The following SMYD3 variants were observed in gnomAD, a reference collection of about 807,000 sequenced individuals.
SMYD3 encodes the protein SET and MYND domain containing 3, also known as histone-lysine N-methyltransferase SMYD3.
SMYD3 carries 36 observed loss-of-function variants against 57.7 expected under a neutral mutation model. The observed-to-expected ratio is 0.62, with a 90% confidence interval of 0.48 to 0.82. The LOEUF (loss-of-function observed/expected upper bound fraction) is 0.82, where lower values mean the gene tolerates loss of function less well. SMYD3 is among the 40% of genes least tolerant of loss of function. SMYD3 has a pLI of 0.00. For missense variants in SMYD3, 515 were observed against 538.8 expected (o/e 0.96, Z 0.44); for synonymous variants, 211 against 195.0 (o/e 1.08, Z -0.68).
At chr1:246,460,945 C>A (rs2067788380) in intron 1 of SMYD3, among the ~76,000 whole-genome samples, 1 of 152,152 alleles carries the variant, frequency 6.6e-6, no homozygotes, top group Non-Finnish European at 1.5e-5. Flanking sequence ...GCTAAATAAA[C>A]CCCAATCATC....
chr1:245,974,389 T>C (rs1347676178), intron 5 of SMYD3, among the ~76,000 whole-genome samples: 1 of 152,204 alleles, frequency 6.6e-6, no homozygotes, highest in Non-Finnish European at 1.5e-5. Flanking sequence ...ATCAGAGTCA[T>C]GACAATTCTG....
intron 8 of SMYD3, among the ~76,000 whole-genome samples, chr1:245,912,664 A>G (rs2055084161): frequency 6.6e-6 from 1 of 152,228 alleles, no homozygotes; most frequent in Non-Finnish European, 1.5e-5. Context: ...AGACATATAG[A>G]CCAATGGAAC....
chr1:246,000,674 T>A (rs2059022918), intron 5 of SMYD3, among the ~76,000 whole-genome samples: 1 of 152,152 alleles, frequency 6.6e-6, no homozygotes, highest in Admixed American at 6.5e-5. Context: ...AAACAGTTAT[T>A]AAGGAGTTTC....
At chr1:245,944,639 A>G (rs2057371666) in intron 5 of SMYD3, among the ~76,000 whole-genome samples, 1 of 152,230 alleles carries the variant, frequency 6.6e-6, no homozygotes, top group Admixed American at 6.5e-5. Flanking sequence ...AGAAAAAACT[A>G]TTTTAAAATC....
intron 10 of SMYD3, among the ~76,000 whole-genome samples, chr1:245,783,516 T>C (rs189385396): frequency 1.3e-5 from 2 of 151,776 alleles, no homozygotes; most frequent in Admixed American, 1.3e-4. Flanking sequence ...TCCATACTCA[T>C]ATTGAACATA....
intron 5 of SMYD3, among the ~76,000 whole-genome samples, chr1:246,064,658 C>T (rs1428929100): frequency 6.6e-6 from 1 of 152,212 alleles, no homozygotes; most frequent in East Asian, 1.9e-4. Flanking sequence ...TGCGTATCCC[C>T]AGTGTCTAGC....
intron 5 of SMYD3, among the ~76,000 whole-genome samples, chr1:246,210,982 G>A (rs1043499718): frequency 6.6e-6 from 1 of 152,118 alleles, no homozygotes; most frequent in African/African-American, 2.4e-5. Flanking sequence ...TGTGAAAGCC[G>A]TTGCTTAGCA....
At chr1:246,169,335 G>A (rs1485256069) in intron 5 of SMYD3, among the ~76,000 whole-genome samples, 1 of 98,452 alleles carries the variant, frequency 1.0e-5, no homozygotes, top group Non-Finnish European at 2.0e-5. Context: ...CAAATATAGA[G>A]AAGGAAAATT....
chr1:245,874,728 A>G (rs1009853184), intron 8 of SMYD3, among the ~76,000 whole-genome samples: 3 of 152,226 alleles, frequency 2.0e-5, no homozygotes, highest in Admixed American at 6.5e-5. Context: ...CTAGAATTGT[A>G]TTTTGTATCT....
At chr1:246,187,677 A>T (rs1335644300) in intron 5 of SMYD3, among the ~76,000 whole-genome samples, 2 of 152,244 alleles carry the variant, frequency 1.3e-5, no homozygotes, top group African/African-American at 2.4e-5. Flanking sequence ...TGCAGCCCTA[A>T]AGAGACCAGT....
intron 10 of SMYD3, among the ~76,000 whole-genome samples, chr1:245,841,854 C>A (rs971169991): frequency 6.6e-6 from 1 of 152,110 alleles, no homozygotes; most frequent in East Asian, 1.9e-4. Context: ...CAGTCATGTG[C>A]CACATAACAT....
chr1:245,905,039 G>A (rs2054468935), intron 8 of SMYD3, among the ~76,000 whole-genome samples: 1 of 151,776 alleles, frequency 6.6e-6, no homozygotes, highest in South Asian at 2.1e-4. Flanking sequence ...AGTCCTGCCA[G>A]CATTCATCAC....
intron 5 of SMYD3, among the ~76,000 whole-genome samples, chr1:245,938,174 G>A (rs1049361241): frequency 2.0e-5 from 3 of 152,242 alleles, no homozygotes; most frequent in Admixed American, 2.0e-4. Context: ...GATGATGCCT[G>A]ACATCTCAGG....
At chr1:245,831,724 G>A (rs1027074012) in intron 10 of SMYD3, among the ~76,000 whole-genome samples, 1 of 152,210 alleles carries the variant, frequency 6.6e-6, no homozygotes, top group Non-Finnish European at 1.5e-5. Flanking sequence ...CCGCTGAAAC[G>A]ACACTTCAAC....
intron 5 of SMYD3, among the ~76,000 whole-genome samples, chr1:246,058,232 A>G (rs1298744017): frequency 6.6e-6 from 1 of 152,202 alleles, no homozygotes; most frequent in Admixed American, 6.5e-5. Flanking sequence ...CTTTGGTGAT[A>G]ATGAAGAGTC....
intron 1 of SMYD3, among the ~76,000 whole-genome samples, chr1:246,421,264 T>G (rs1311525591): frequency 6.6e-6 from 1 of 150,648 alleles, no homozygotes; most frequent in East Asian, 1.9e-4. Context: ...CCACTTTTAT[T>G]TACCTTACAA....
intron 5 of SMYD3, among the ~76,000 whole-genome samples, chr1:246,082,847 G>A (rs1236556558): frequency 6.6e-6 from 1 of 152,048 alleles, no homozygotes; most frequent in African/African-American, 2.4e-5. Context: ...AACATGTGCT[G>A]TGTCAACTCA....
chr1:246,070,835 CAG>C (rs2060430350), intron 5 of SMYD3, among the ~76,000 whole-genome samples: 1 of 152,180 alleles, frequency 6.6e-6, no homozygotes, highest in Non-Finnish European at 1.5e-5. Context: ...TAATGAAACA[CAG>C]ATAAAAATTT....
chr1:246,141,841 G>A (rs570863006), intron 5 of SMYD3, among the ~76,000 whole-genome samples: 1 of 152,236 alleles, frequency 6.6e-6, no homozygotes, highest in Non-Finnish European at 1.5e-5. Context: ...AGTGGAAGCA[G>A]AGTCGAGCTG....
Sources: allele counts gnomAD v4.1 joint callset (sites outside exome capture counted in the v4.1 genomes callset), GRCh38; gene constraint gnomAD v4.1.1; transcripts MANE v1.5; gene names NCBI Gene and HGNC (gene_info 2026-07-23, HGNC 2026-07-21).